The following DMXL1 variants were observed in gnomAD, a reference collection of about 807,000 sequenced individuals.
DMXL1 encodes the protein Dmx like 1.
In DMXL1, 99 loss-of-function variants were observed where a neutral mutation model predicts 319.2. That is an observed-to-expected ratio of 0.31 (90% CI 0.26 to 0.37). The LOEUF is 0.37. Among genes scored for constraint, DMXL1 ranks in the 10% least tolerant of loss-of-function variants. The pLI is 1.00. For synonymous variants in DMXL1, 1,385 were observed against 1,235.2 expected (o/e 1.12, Z -2.54); for missense variants, 3,745 against 3,595.6 (o/e 1.04, Z -1.06).
chr5:119,093,049 G>C (rs534174287), intron 1 of DMXL1, among the ~76,000 whole-genome samples: 1 of 151,730 alleles, frequency 6.6e-6, no homozygotes, highest in East Asian at 1.9e-4. Flanking sequence ...TGCACTTCAA[G>C]TATTATGATT....
intron 35 of DMXL1, among the ~76,000 whole-genome samples, chr5:119,217,510 A>G (rs952210244): frequency 6.6e-6 from 1 of 152,132 alleles, no homozygotes; most frequent in African/African-American, 2.4e-5. Flanking sequence ...TCCAAGATTG[A>G]AATCTGTCTT....
intron 26 of DMXL1, among the ~76,000 whole-genome samples, chr5:119,175,896 A>C (rs890177268): frequency 6.6e-6 from 1 of 152,010 alleles, no homozygotes; most frequent in Non-Finnish European, 1.5e-5. Context: ...GGGTCTTTCT[A>C]TATCTATCTT....
At chr5:119,116,029 C>A in intron 6 of DMXL1, 129 bp from the exon 7 acceptor site, 3 of 790,690 alleles carry the variant, frequency 3.8e-6, no homozygotes, top group South Asian at 4.1e-5. Context: ...TTTCTTAATT[C>A]CTCTGTGCTC....
intron 13 of DMXL1, among the ~76,000 whole-genome samples, chr5:119,140,138 T>C (rs987072606): frequency 6.6e-6 from 1 of 152,096 alleles, no homozygotes; most frequent in Non-Finnish European, 1.5e-5. Context: ...AGATGGAAAT[T>C]TATAGTACTA....
chr5:119,088,008 G>C (rs992352669), intron 1 of DMXL1, among the ~76,000 whole-genome samples: 1 of 152,046 alleles, frequency 6.6e-6, no homozygotes, highest in African/African-American at 2.4e-5. Flanking sequence ...CACCATGTTG[G>C]CTAGACTGGC....
At position 119,244,585 on chromosome 5, in the gene DMXL1, A is replaced by G. The variant is rs1183670894; in HGVS notation, c.8922+9A>G. On this transcript the variant is annotated intron_variant, in intron 43 of 43. Transcript: ENST00000539542. ...CCGAAGGCAATATAAAGGTAAACAC[A>G]GTTGATGCCACAACATCTACAAAAT... 1.2e-6 allele frequency: 2 copies of G among 1,600,302 alleles called. No individual in the cohort carries two copies. The highest frequency in any genetic ancestry group is 1.7e-6 in the Non-Finnish European group (2 of 1,167,944).
intron 38 of DMXL1, among the ~76,000 whole-genome samples, chr5:119,231,122 A>G (rs370504115): frequency 2.0e-3 from 300 of 152,252 alleles, no homozygotes; most frequent in Non-Finnish European, 3.2e-3. Context: ...AGCATTAGAG[A>G]TTCCCTTTTA....
chr5:119,076,867 T>G (rs1213354482), intron 1 of DMXL1, among the ~76,000 whole-genome samples: 1 of 152,246 alleles, frequency 6.6e-6, no homozygotes, highest in East Asian at 1.9e-4. Context: ...AGCACACATG[T>G]GACTCAATTC....
intron 9 of DMXL1, among the ~76,000 whole-genome samples, chr5:119,125,399 T>C (rs1763299179): frequency 1.3e-5 from 2 of 152,324 alleles, no homozygotes; most frequent in South Asian, 4.1e-4. Context: ...GAAAGTTTCC[T>C]TGTTGGTTAC....
At chr5:119,098,202 C>T in intron 2 of DMXL1, 98 bp downstream of exon 2, 2 of 1,400,816 alleles carry the variant, frequency 1.4e-6, no homozygotes, top group Non-Finnish European at 1.9e-6. Context: ...AGAGACTTGG[C>T]TTTGTTTCAA....
At chr5:119,225,166 C>G (rs1209469049) in intron 38 of DMXL1, among the ~76,000 whole-genome samples, 1 of 151,926 alleles carries the variant, frequency 6.6e-6, no homozygotes, top group East Asian at 1.9e-4. Context: ...ATTACATAAG[C>G]CACAACCGTA....
intron 34 of DMXL1, among the ~76,000 whole-genome samples, chr5:119,207,416 G>A (rs1419640802): frequency 6.6e-6 from 1 of 152,142 alleles, no homozygotes; most frequent in East Asian, 1.9e-4. Context: ...AGGATACATA[G>A]TAAGTACTCA....
intron 34 of DMXL1, among the ~76,000 whole-genome samples, chr5:119,209,086 C>A (rs1029677423): frequency 1.3e-5 from 2 of 152,114 alleles, no homozygotes; most frequent in African/African-American, 4.8e-5. Context: ...TATGGATATA[C>A]CATAGTTTAT....
intron 19 of DMXL1, among the ~76,000 whole-genome samples, chr5:119,164,062 T>A (rs1275917949): frequency 6.6e-6 from 1 of 151,914 alleles, no homozygotes; most frequent in Non-Finnish European, 1.5e-5. Context: ...TGCAGTGCTA[T>A]TCCTAATTCA....
At chr5:119,145,611 CT>C (rs1156315810) in intron 15 of DMXL1, among the ~76,000 whole-genome samples, 1 of 151,570 alleles carries the variant, frequency 6.6e-6, no homozygotes, top group Non-Finnish European at 1.5e-5. Flanking sequence ...CTCTTTAAAA[CT>C]TTTAAAAGAA....
intron 22 of DMXL1, 36 bp from the exon 23 acceptor site, chr5:119,167,567 C>T: frequency 6.6e-7 from 1 of 1,507,756 alleles, no homozygotes; most frequent in Non-Finnish European, 8.9e-7. Flanking sequence ...ATGAAACCTG[C>T]TCCTGCTTAT....
At chr5:119,224,969 A>C (rs182322863) in intron 38 of DMXL1, among the ~76,000 whole-genome samples, 200 bp downstream of exon 38, 1 of 152,174 alleles carries the variant, frequency 6.6e-6, no homozygotes, top group Admixed American at 6.5e-5. Context: ...TCCCTAAAAG[A>C]GAAAGCTGAT....
intron 29 of DMXL1, among the ~76,000 whole-genome samples, chr5:119,193,296 A>C (rs966719251): frequency 2.0e-5 from 3 of 152,106 alleles, no homozygotes; most frequent in Non-Finnish European, 4.4e-5. Context: ...GACTTGATCA[A>C]ACTACTATTT....
In DMXL1 at chr5:119,244,532, A is replaced by G. The variant is rs866545576; in HGVS notation, c.8878A>G (p.Thr2960Ala). ...TGTTAAAGCCGTTGCTGTTGATCCA[A>G]CTGAAGAGTACTTTGTTACAGGATC... ...SPVKAVAVDPTEEYFVTGSAE... is the reference protein window; with the variant it reads ...SPVKAVAVDPAEEYFVTGSAE... Residue 2960 changes from threonine (T) to alanine (A), a missense_variant, in exon 43 of 44, where the codon ACT (threonine) becomes GCT (alanine). By Grantham distance (58) the Thr-to-Ala change is moderately conservative. Coordinates refer to ENST00000539542, the MANE Select transcript of DMXL1 (RefSeq NM_001290321.3). 9 of 1,614,064 alleles carry G rather than the reference A, an allele frequency of 5.6e-6. No homozygotes were observed. The highest frequency in any genetic ancestry group is 5.3e-5 in the African/African-American group (4 of 74,942).
Sources: gnomAD v4.1 joint callset for allele counts (sites outside exome capture counted in the v4.1 genomes callset) on GRCh38, gnomAD v4.1.1 for gene constraint, MANE v1.5 for transcripts, NCBI Gene and HGNC (gene_info 2026-07-23, HGNC 2026-07-21) for gene names.